Variants in KIF13B observed in about 807,000 individuals in gnomAD.
KIF13B encodes kinesin family member 13B.
In KIF13B, 127 loss-of-function variants were observed where a neutral mutation model predicts 222.0. That is an observed-to-expected ratio of 0.57 (90% CI 0.50 to 0.66). The LOEUF (loss-of-function observed/expected upper bound fraction) is 0.66, where lower values mean the gene tolerates loss of function less well. Ranked by LOEUF, KIF13B falls within the 30% of genes least tolerant of loss-of-function variation. KIF13B has a pLI of 0.00. For missense variants in KIF13B, 2,173 were observed against 2,379.0 expected (o/e 0.91, Z 1.80); for synonymous variants, 976 against 919.0 (o/e 1.06, Z -1.12).
At chr8:29,229,482 T>G (rs1244771195) in intron 2 of KIF13B, among the ~76,000 whole-genome samples, 1 of 152,214 alleles carries the variant, frequency 6.6e-6, no homozygotes, top group Admixed American at 6.5e-5. Flanking sequence ...CTTATACTCT[T>G]GCAAAGGATC....
Position 29,181,063 on chromosome 8 carries a change from G to A in KIF13B, c.586-825C>T, listed in dbSNP as rs868070667. Among the ~76,000 whole-genome samples, 5 of 152,194 alleles carry A rather than the reference G, an allele frequency of 3.3e-5. No individual in the cohort carries two copies. In the South Asian group the frequency reaches 1.0e-3, roughly 31 times the overall value. ...GAGACTACATTTCCCAGATGCCCTT[G>A]CAGCTCACTCTGGCCTCATGACATT... On this transcript the variant is annotated intron_variant, in intron 7 of 39. Transcript: ENST00000524189.
intron 23 of KIF13B, among the ~76,000 whole-genome samples, chr8:29,131,338 A>T (rs1220799651): frequency 2.5e-5 from 3 of 120,418 alleles, no homozygotes; most frequent in African/African-American, 8.3e-5. Flanking sequence ...TGAAACTATT[A>T]AAAAAAAAAA....
At chr8:29,082,650 T>A (rs528081194) in intron 37 of KIF13B, among the ~76,000 whole-genome samples, 18 of 149,354 alleles carry the variant, frequency 1.2e-4, no homozygotes, top group Non-Finnish European at 2.4e-4. Context: ...AAAAATAAAT[T>A]AAAAAAAAAT....
At position 29,171,573 on chromosome 8, in the gene KIF13B, A is replaced by C. The variant is rs370052882; in HGVS notation, c.946-3988T>G. ...CAGACTAAGAATTTAAGAAGGAAAA[A>C]GCAACAGGGACCTAAAACCCACTTT... On this transcript the variant is annotated intron_variant, in intron 10 of 39. Transcript: ENST00000524189. Among the ~76,000 whole-genome samples, 51 of 152,052 alleles carry C rather than the reference A, an allele frequency of 3.4e-4. No homozygotes were observed. The East Asian group carries it at 6.8e-3, about 20-fold the overall frequency.
intron 13 of KIF13B, among the ~76,000 whole-genome samples, chr8:29,156,146 T>C (rs1449932865): frequency 6.6e-6 from 1 of 152,084 alleles, no homozygotes; most frequent in Admixed American, 6.5e-5. Context: ...TTTTTTTGTA[T>C]TTTTAGTACA....
intron 2 of KIF13B, 102 bp from the exon 3 acceptor site, chr8:29,196,301 C>T (rs1254065438): frequency 1.1e-6 from 1 of 920,078 alleles, no homozygotes; most frequent in African/African-American, 1.7e-5. Context: ...AAATAATAAA[C>T]ATTATGTAAA....
intron 1 of KIF13B, 82 bp downstream of exon 1, chr8:29,262,898 G>A: frequency 2.6e-6 from 3 of 1,135,414 alleles, no homozygotes; most frequent in Non-Finnish European, 3.6e-6. Context: ...GGGGCCGCCG[G>A]ACCCCCCACG....
chr8:29,100,380 A>G lies in KIF13B; in HGVS notation c.4216-1139T>C, dbSNP rs573642504. ...AGTTCCCTTTGATCCCCTGATAATC[A>G]CTGACTTCTTTACCACTGGAGTTTA... is the stretch of plus-strand genomic sequence containing the variant. On this transcript the variant is annotated intron_variant, in intron 35 of 39. Transcript: ENST00000524189. 3.4e-4 allele frequency among the ~76,000 whole-genome samples: 52 copies of G among 152,268 alleles called. No individual in the cohort carries two copies. In the South Asian group the frequency reaches 0.01, roughly 30 times the overall value.
At position 29,071,584 on chromosome 8, in the gene KIF13B, G is replaced by A. The variant is rs937383405; in HGVS notation, c.5218+36C>T. On this transcript the variant is annotated intron_variant, in intron 39 of 39. Coordinates refer to ENST00000524189, the MANE Select transcript of KIF13B (RefSeq NM_015254.4). This position sits in a 1 kb window ranked among gnomAD's most constrained non-coding sequence, Gnocchi z 4.9. ...CACGTTCCTGCTTCCCCAGACCCCC[G>A]GCACCACCCTGGAGCCCGGAGTGCC... 7.2e-6 allele frequency: 11 copies of A among 1,524,472 alleles called. No individual in the cohort carries two copies. The highest frequency in any genetic ancestry group is 1.4e-5 in the African/African-American group (1 of 72,558). 94.4% of individuals were successfully genotyped at this position (1,524,472 alleles called of 1,614,324 possible).
rs1475348538 is a variant in KIF13B, at chr8:29,068,236, G to A, written c.*2268C>T. Reference sequence around the variant, plus strand: ...GGCGGGTGGGCGGGCAGGCGTTCTTGGGAGGTGAGTCTGCTGGTCAGGGAG... The same window carrying A: ...GGCGGGTGGGCGGGCAGGCGTTCTTAGGAGGTGAGTCTGCTGGTCAGGGAG... On this transcript the variant is annotated 3_prime_UTR_variant, in exon 40 of 40. Transcript: ENST00000524189. This position sits in a 1 kb window ranked among gnomAD's most constrained non-coding sequence, Gnocchi z 4.4. 1 of 152,364 alleles carries A rather than the reference G, an allele frequency of 6.6e-6. No individual in the cohort carries two copies. The highest frequency in any genetic ancestry group is 1.5e-5 in the Non-Finnish European group (1 of 68,212). 9.4% of individuals were successfully genotyped at this position (152,364 alleles called of 1,614,324 possible).
chr8:29,091,171 A>C (rs954304483), intron 37 of KIF13B, among the ~76,000 whole-genome samples: 22 of 152,184 alleles, frequency 1.4e-4, no homozygotes, highest in Admixed American at 7.2e-4. Context: ...GGTAACCTCT[A>C]ACCTGGGCAT....
chr8:29,176,652 G>A (rs1327039189), intron 9 of KIF13B, among the ~76,000 whole-genome samples: 1 of 152,174 alleles, frequency 6.6e-6, no homozygotes, highest in African/African-American at 2.4e-5. Context: ...AATTTGGCTT[G>A]AGGGAGAAAA....
intron 2 of KIF13B, among the ~76,000 whole-genome samples, chr8:29,235,212 A>G (rs989652481): frequency 6.6e-6 from 1 of 152,224 alleles, no homozygotes; most frequent in African/African-American, 2.4e-5. Flanking sequence ...CATTGACACA[A>G]AAGATTGTCG....
chr8:29,233,992 C>T (rs970503137), intron 2 of KIF13B, among the ~76,000 whole-genome samples: 1 of 152,176 alleles, frequency 6.6e-6, no homozygotes, highest in Non-Finnish European at 1.5e-5. Flanking sequence ...TTAATTTGAA[C>T]ACTACATCAA....
At chr8:29,260,870 G>A (rs542027068) in intron 1 of KIF13B, among the ~76,000 whole-genome samples, 98 of 152,130 alleles carry the variant, frequency 6.4e-4, no homozygotes, top group African/African-American at 2.1e-3. Flanking sequence ...CACCCGCCTC[G>A]GCCTCCCAAA....
rs867711839 is a variant in KIF13B, at chr8:29,177,206, A to G, written c.833+260T>C. On this transcript the variant is annotated intron_variant, in intron 9 of 39. Coordinates refer to ENST00000524189, the MANE Select transcript of KIF13B (RefSeq NM_015254.4). ...CCAGGGATGCGGCTAGACACTCTAC[A>G]AAGCACAGCATCACCCCTCCCATGA... Among the ~76,000 whole-genome samples the G allele has an allele frequency of 2.1e-4, 32 of 150,078 alleles. 1 individual carries two copies. Among genetic ancestry groups the G allele is most frequent in the Admixed American group, 1.7e-3 (25 of 15,026 alleles).
intron 29 of KIF13B, among the ~76,000 whole-genome samples, chr8:29,121,931 G>A (rs1173918110): frequency 1.3e-5 from 2 of 152,226 alleles, no homozygotes; most frequent in East Asian, 3.9e-4. Flanking sequence ...CTAGTTATTT[G>A]TCCTTTCCAG....
At position 29,216,536 on chromosome 8, in the gene KIF13B, T is replaced by C. The variant is rs1052062079; in HGVS notation, c.150-20337A>G. On this transcript the variant is annotated intron_variant, in intron 2 of 39. Coordinates refer to ENST00000524189, the MANE Select transcript of KIF13B (RefSeq NM_015254.4). Reference sequence around the variant, plus strand: ...ATCATTTGAACCTGGGAGTAAAAGGTTGCAGTGAGCCGAGATCCTGCCACT... The same window carrying C: ...ATCATTTGAACCTGGGAGTAAAAGGCTGCAGTGAGCCGAGATCCTGCCACT... Among the ~76,000 whole-genome samples the C allele has an allele frequency of 9.2e-5, 14 of 152,060 alleles. No individual in the cohort carries two copies. In the South Asian group the frequency reaches 2.9e-3, roughly 32 times the overall value.
At chr8:29,075,928 G>A (rs897964533) in intron 37 of KIF13B, among the ~76,000 whole-genome samples, 1 of 152,202 alleles carries the variant, frequency 6.6e-6, no homozygotes, top group African/African-American at 2.4e-5. Context: ...CTGTCCGGGT[G>A]GGGACACAAC....
Sources: allele counts gnomAD v4.1 joint callset (sites outside exome capture counted in the v4.1 genomes callset), GRCh38; gene constraint gnomAD v4.1.1; non-coding constraint Gnocchi (gnomAD v3.1); transcripts MANE v1.5; gene names NCBI Gene and HGNC (gene_info 2026-07-23, HGNC 2026-07-21).